EFCAB6: variants seen among roughly 807,000 people sequenced by gnomAD.
EFCAB6 encodes EF-hand calcium-binding domain-containing protein 6.
In EFCAB6, 156 loss-of-function variants were observed where a neutral mutation model predicts 169.8. The ratio of observed to expected loss-of-function variants is 0.92; its 90% CI spans 0.81 to 1.05. The LOEUF is 1.05. EFCAB6 is among the 50% of genes least tolerant of loss of function. The pLI, the probability that EFCAB6 is intolerant of heterozygous loss-of-function variation, is 0.00. For synonymous variants in EFCAB6, 698 were observed against 676.4 expected, an observed-to-expected ratio of 1.03 and a Z score of -0.50; for missense variants, 1,800 against 1,829.1, an observed-to-expected ratio of 0.98 and a Z score of 0.29.
At chr22:43,630,644 C>T (rs1390674476) in intron 19 of EFCAB6, among the ~76,000 whole-genome samples, 1 of 152,198 alleles carries the variant, frequency 6.6e-6, no homozygotes, top group East Asian at 1.9e-4. Flanking sequence ...GCCCTGCCGA[C>T]CAGCACAGAA....
chr22:43,633,597 G>T (rs1219111663), intron 18 of EFCAB6, among the ~76,000 whole-genome samples: 2 of 152,140 alleles, frequency 1.3e-5, no homozygotes, highest in Non-Finnish European at 2.9e-5. Flanking sequence ...AAACTTCCAG[G>T]TCTACCCCGT....
At chr22:43,654,922 C>A (rs1341312520) in intron 17 of EFCAB6, among the ~76,000 whole-genome samples, 1 of 151,910 alleles carries the variant, frequency 6.6e-6, no homozygotes, top group African/African-American at 2.4e-5. Context: ...ATTCATTTGA[C>A]AAATTATTTA....
chr22:43,679,380 T>A (rs1465334019), intron 12 of EFCAB6, among the ~76,000 whole-genome samples: 3 of 152,210 alleles, frequency 2.0e-5, no homozygotes, highest in African/African-American at 7.2e-5. Flanking sequence ...TTTGTTTATT[T>A]TGTTACAAGT....
rs1316638205 is a variant in EFCAB6 at position 43,530,796 on chromosome 22, G to C, written c.4383+19C>G. ...GCAGCTGCTCCCTGCAGAGGCACTG[G>C]GCGCAGAGCTGTGCTCACCGTCCTG... On this transcript the variant is annotated intron_variant, in intron 31 of 31. Transcript: ENST00000262726. The C allele has an allele frequency of 9.9e-6, 16 of 1,612,508 alleles. No individual in the cohort carries two copies. The highest frequency in any genetic ancestry group is 1.3e-5 in the Non-Finnish European group (15 of 1,179,814).
At chr22:43,698,069 G>T (rs2058640165) in intron 10 of EFCAB6, among the ~76,000 whole-genome samples, 1 of 152,162 alleles carries the variant, frequency 6.6e-6, no homozygotes, top group South Asian at 2.1e-4. Context: ...ATAGGTACAT[G>T]CTGAGTCAGC....
intron 17 of EFCAB6, among the ~76,000 whole-genome samples, chr22:43,649,196 T>C (rs1294772577): frequency 5.9e-5 from 9 of 152,182 alleles, no homozygotes; most frequent in African/African-American, 2.2e-4. Context: ...TAAATAATGA[T>C]GTCCATCATA....
intron 17 of EFCAB6, among the ~76,000 whole-genome samples, chr22:43,664,841 T>C (rs137763): frequency 0.55 from 84,032 of 151,846 alleles, 23,569 homozygotes; most frequent in East Asian, 0.77. Flanking sequence ...CCTCGGTGGG[T>C]TCCACTGAGG....
chr22:43,811,932 G>C (rs929943290), intron 1 of EFCAB6, among the ~76,000 whole-genome samples: 3 of 152,160 alleles, frequency 2.0e-5, no homozygotes, highest in Non-Finnish European at 4.4e-5. Context: ...CCACATATCA[G>C]GTAAGCTACG....
At chr22:43,802,267 C>T (rs889360391) in intron 2 of EFCAB6, among the ~76,000 whole-genome samples, 6 of 152,124 alleles carry the variant, frequency 3.9e-5, no homozygotes, top group African/African-American at 7.2e-5. Context: ...GGGTGGCTCA[C>T]GCCTGTAATC....
intron 9 of EFCAB6, among the ~76,000 whole-genome samples, chr22:43,715,277 T>G (rs556903390): frequency 6.8e-4 from 103 of 152,312 alleles, no homozygotes; most frequent in African/African-American, 2.4e-3. Flanking sequence ...AGGGACTGGA[T>G]AAGCCTGCAC....
chr22:43,531,255 G>A (rs1050720824), intron 30 of EFCAB6, among the ~76,000 whole-genome samples: 1 of 152,152 alleles, frequency 6.6e-6, no homozygotes, highest in African/African-American at 2.4e-5. Context: ...CCACTTCACA[G>A]ATTAGGAAGT....
intron 17 of EFCAB6, 32 bp downstream of exon 17, chr22:43,667,072 G>A (rs992408313): frequency 9.4e-6 from 15 of 1,601,596 alleles, no homozygotes; most frequent in Non-Finnish European, 8.5e-7. Flanking sequence ...AACTTCTGCA[G>A]GATAGAAACA....
At chr22:43,675,737 TTAATG>T (rs1166250441) in intron 13 of EFCAB6, among the ~76,000 whole-genome samples, 1 of 147,994 alleles carries the variant, frequency 6.8e-6, no homozygotes, top group Non-Finnish European at 1.5e-5. Flanking sequence ...ATGTAATTAA[TTAATG>T]TAATTGTAAA....
intron 10 of EFCAB6, among the ~76,000 whole-genome samples, chr22:43,691,945 G>C (rs1450090779): frequency 6.6e-6 from 1 of 152,160 alleles, no homozygotes; most frequent in East Asian, 1.9e-4. Context: ...CCTCGGATGA[G>C]GCACTGCAGC....
At chr22:43,618,813 G>A (rs902995485) in intron 20 of EFCAB6, among the ~76,000 whole-genome samples, 3 of 152,130 alleles carry the variant, frequency 2.0e-5, no homozygotes, top group African/African-American at 7.2e-5. Flanking sequence ...CGATAGCAGT[G>A]GCCAAAACGT....
chr22:43,538,245 C>T (rs1210686583), intron 28 of EFCAB6, among the ~76,000 whole-genome samples: 1 of 152,178 alleles, frequency 6.6e-6, no homozygotes, highest in African/African-American at 2.4e-5. Context: ...CTCCATCCCA[C>T]ATCTGATCCC....
chr22:43,705,437 G>A (rs753672332), intron 10 of EFCAB6, among the ~76,000 whole-genome samples: 2 of 151,998 alleles, frequency 1.3e-5, no homozygotes, highest in Non-Finnish European at 2.9e-5. Flanking sequence ...CATCTCAAGC[G>A]CAAATGGAAC....
At chr22:43,712,272 C>T (rs967514988) in intron 9 of EFCAB6, among the ~76,000 whole-genome samples, 1 of 152,094 alleles carries the variant, frequency 6.6e-6, no homozygotes, top group Non-Finnish European at 1.5e-5. Context: ...GGTTTTCCTG[C>T]TGTTTATTAT....
At chr22:43,569,414 G>C (rs992626488) in intron 26 of EFCAB6, among the ~76,000 whole-genome samples, 3 of 152,220 alleles carry the variant, frequency 2.0e-5, no homozygotes, top group African/African-American at 7.2e-5. Flanking sequence ...GCAGTGCTAG[G>C]ACCCGTGTAG....
Sources: allele counts gnomAD v4.1 joint callset (sites outside exome capture counted in the v4.1 genomes callset), GRCh38; gene constraint gnomAD v4.1.1; transcripts MANE v1.5; gene names NCBI Gene and HGNC (gene_info 2026-07-23, HGNC 2026-07-21).